Variants in WDR19 observed in about 807,000 individuals in gnomAD.
WDR19 encodes WD repeat-containing protein 19.
WDR19 carries 121 observed loss-of-function variants against 180.0 expected under a neutral mutation model. The observed-to-expected ratio is 0.67, with a 90% CI of 0.58 to 0.78. The LOEUF (loss-of-function observed/expected upper bound fraction) is 0.78. Among genes scored for constraint, WDR19 ranks in the 30% least tolerant of loss-of-function variants. The pLI, the probability that WDR19 is intolerant of heterozygous loss-of-function variation, is 0.00. For missense variants in WDR19, 1,450 were observed against 1,640.7 expected, an observed-to-expected ratio of 0.88 and a Z score of 2.01; for synonymous variants, 497 against 540.7, an observed-to-expected ratio of 0.92 and a Z score of 1.12.
Position 39,228,647 on chromosome 4 carries a change from G to A in WDR19, c.1939G>A (p.Asp647Asn), listed in dbSNP as rs1248776234. Residue 647 changes from aspartate (D) to asparagine (N), a missense_variant, in exon 17 of 37, where the codon GAC (aspartate) becomes AAC (asparagine). Physicochemically the swap from Asp to Asn is conservative, Grantham distance 23. Transcript: ENST00000399820. ...CAGCAACTTAAAAGATACGGGGCCT[G>A]ACGAACTGAGACCAATGCTGGCACA... is the stretch of plus-strand genomic sequence containing the variant. Reference protein sequence around the residue: ...FLSNLKDTGPDELRPMLAQNL... With the variant: ...FLSNLKDTGPNELRPMLAQNL... The A allele has an allele frequency of 1.9e-6, 3 of 1,609,612 alleles. No homozygotes were observed. Among genetic ancestry groups the A allele is most frequent in the Non-Finnish European group, 1.7e-6 (2 of 1,178,038 alleles).
chr4:39,240,961 A>C (rs969913470), intron 21 of WDR19, among the ~76,000 whole-genome samples: 14 of 151,420 alleles, frequency 9.2e-5, no homozygotes, highest in Admixed American at 8.6e-4. Context: ...ATCTCAAAAA[A>C]AAAAAAAAAA....
At chr4:39,254,983 CA>C (rs1264780265) in intron 26 of WDR19, among the ~76,000 whole-genome samples, 3 of 152,002 alleles carry the variant, frequency 2.0e-5, no homozygotes, top group African/African-American at 4.8e-5. Context: ...TTCAAGGAAA[CA>C]AATTAATTAG....
At chr4:39,241,992 A>T (rs1732007365) in intron 21 of WDR19, among the ~76,000 whole-genome samples, 1 of 150,408 alleles carries the variant, frequency 6.6e-6, no homozygotes, top group Non-Finnish European at 1.5e-5. Flanking sequence ...AGCAAAGATC[A>T]TTGAGTATTC....
chr4:39,240,264 ATT>A lies in WDR19; in HGVS notation c.2364-5_2364-4del. 2.4e-6 allele frequency: 3 copies of A among 1,246,920 alleles called. No homozygotes were observed. Among genetic ancestry groups the A allele is most frequent in the South Asian group, 2.2e-5 (1 of 45,454 alleles). The allele number at this position is 1,246,920 out of a possible 1,614,324, so 77.2% of individuals were successfully genotyped here. The stretch of plus-strand genomic sequence containing the variant: ...ATTAAAATTATTAAAATTCACTCTT[ATT>A]TTTTTTTCAGGGGTGATTATGTAAA... On this transcript the variant is annotated splice_polypyrimidine_tract_variant and intron_variant, in intron 20 of 36. Transcript: ENST00000399820.
chr4:39,223,479 C>T (rs920118041), intron 14 of WDR19, among the ~76,000 whole-genome samples: 7 of 151,818 alleles, frequency 4.6e-5, no homozygotes, highest in Non-Finnish European at 7.4e-5. Context: ...TACAGGCACA[C>T]GCCACCACGC....
At chr4:39,262,806 T>A (rs1416639732) in intron 28 of WDR19, among the ~76,000 whole-genome samples, 1 of 152,222 alleles carries the variant, frequency 6.6e-6, no homozygotes, top group Non-Finnish European at 1.5e-5. Flanking sequence ...AGAGAGTGTT[T>A]AGCACATGGC....
At chr4:39,189,502 T>C (rs139610671) in intron 3 of WDR19, among the ~76,000 whole-genome samples, 154 bp from the exon 4 acceptor site, 21 of 152,316 alleles carry the variant, frequency 1.4e-4, no homozygotes, top group African/African-American at 5.1e-4. Flanking sequence ...AAGTTAACAT[T>C]ACCCATGCAG....
intron 20 of WDR19, among the ~76,000 whole-genome samples, chr4:39,236,533 A>G (rs1219040396): frequency 6.6e-6 from 1 of 152,224 alleles, no homozygotes; most frequent in Non-Finnish European, 1.5e-5. Context: ...TTACCTGGGT[A>G]CACTTAAAGT....
intron 29 of WDR19, among the ~76,000 whole-genome samples, chr4:39,267,528 G>T (rs1026182238): frequency 2.0e-5 from 3 of 152,258 alleles, no homozygotes; most frequent in African/African-American, 7.2e-5. Context: ...AAAGGCCAAA[G>T]AAAATGTTAT....
intron 36 of WDR19, among the ~76,000 whole-genome samples, chr4:39,281,205 A>ATGTG (rs144111830): frequency 1.8e-5 from 2 of 110,412 alleles, no homozygotes; most frequent in Admixed American, 8.2e-5. Context: ...CTAAATATAT[A>ATGTG]TGTGTGTGTG....
chr4:39,272,436 C>T (rs1735461576), intron 31 of WDR19, among the ~76,000 whole-genome samples: 2 of 152,120 alleles, frequency 1.3e-5, no homozygotes, highest in African/African-American at 4.8e-5. Flanking sequence ...CCTTTTTGGC[C>T]TCCTTGTCTC....
At position 39,195,543 on chromosome 4, in the gene WDR19, G is replaced by A. The variant is rs577030461; in HGVS notation, c.406+884G>A. ...AGAGGGTGTTTTTATGTCCCTCCTT[G>A]TTTGACCTTCTTGTTTTGGCTCTTT... On this transcript the variant is annotated intron_variant, in intron 5 of 36. Transcript: ENST00000399820. Among the ~76,000 whole-genome samples the A allele has an allele frequency of 2.3e-4, 35 of 152,120 alleles. 1 individual carries two copies. In the South Asian group the frequency reaches 6.6e-3, roughly 29 times the overall value.
At chr4:39,275,904 A>G (rs1180328816) in intron 33 of WDR19, among the ~76,000 whole-genome samples, 1 of 152,210 alleles carries the variant, frequency 6.6e-6, no homozygotes, top group Non-Finnish European at 1.5e-5. Flanking sequence ...GTGCAGCCCC[A>G]AAAGCCCTTA....
Position 39,199,598 on chromosome 4 carries a change from T to A in WDR19, c.522+5T>A. 6.3e-7 allele frequency: 1 copy of A among 1,598,476 alleles called. No individual in the cohort carries two copies. Among genetic ancestry groups the A allele is most frequent in the Non-Finnish European group, 8.6e-7 (1 of 1,166,450 alleles). On this transcript the variant is annotated splice_donor_5th_base_variant and intron_variant, in intron 6 of 36. Transcript: ENST00000399820. ...GAAGGTGACACGATAAGACAGGTAATACAGTAACGTCTCTTTGGTCTGATA... is the reference window on the plus strand; with the variant it reads ...GAAGGTGACACGATAAGACAGGTAAAACAGTAACGTCTCTTTGGTCTGATA...
chr4:39,205,523 A>C, intron 8 of WDR19, 40 bp from the exon 9 acceptor site: 1 of 1,582,712 alleles, frequency 6.3e-7, no homozygotes, highest in Non-Finnish European at 8.6e-7. Context: ...ACTGATAGCT[A>C]ATCTCCTTGT....
chr4:39,274,773 C>T, intron 32 of WDR19, 35 bp from the exon 33 acceptor site: 2 of 1,602,050 alleles, frequency 1.2e-6, no homozygotes, highest in South Asian at 2.2e-5. Context: ...ACAGCAGACA[C>T]TGTGCTGTTG....
In WDR19 at chr4:39,278,678, G is replaced by T; in HGVS notation, c.*13+15G>T. The T allele has an allele frequency of 6.5e-7, 1 of 1,534,340 alleles. No individual in the cohort carries two copies. The highest frequency in any genetic ancestry group is 8.9e-7 in the Non-Finnish European group (1 of 1,117,556). On this transcript the variant is annotated intron_variant, in intron 36 of 36. Coordinates refer to ENST00000399820, the MANE Select transcript of WDR19 (RefSeq NM_025132.4). Reference sequence around the variant, plus strand: ...GGCACGTGCAGGTGAGTGGCAGAGCGCCCACGCACCTTCTGGGCGCAAGGG... The same window carrying T: ...GGCACGTGCAGGTGAGTGGCAGAGCTCCCACGCACCTTCTGGGCGCAAGGG...
Position 39,253,973 on chromosome 4 carries a change from G to A in WDR19, c.2944G>A (p.Glu982Lys). 6.2e-7 allele frequency: 1 copy of A among 1,612,686 alleles called. No homozygotes were observed. The highest frequency in any genetic ancestry group is 1.1e-5 in the South Asian group (1 of 91,016). The change falls in exon 26 of 37, where the codon GAA becomes AAA. Residue 982 changes from glutamate to lysine, a missense_variant. Physicochemically the swap from Glu to Lys is moderately conservative, Grantham distance 56 (BLOSUM62 1). Coordinates refer to ENST00000399820, the MANE Select transcript of WDR19 (RefSeq NM_025132.4). ...QFLVMSKCNN[E>K]AFTLAQQHNK... ...TCTTGTCATGTCCAAATGCAACAAT[G>A]AAGCTTTCACACTGGCTCAGCAACA... is the stretch of plus-strand genomic sequence containing the variant.
chr4:39,282,141 TAAATC>T (rs1736601560), intron 36 of WDR19, among the ~76,000 whole-genome samples: 2 of 152,326 alleles, frequency 1.3e-5, no homozygotes, highest in South Asian at 2.1e-4. Flanking sequence ...ATCATATAAT[TAAATC>T]TAATATGGTT....
Sources: gnomAD v4.1 joint callset for allele counts (sites outside exome capture counted in the v4.1 genomes callset) on GRCh38, gnomAD v4.1.1 for gene constraint, MANE v1.5 for transcripts, NCBI Gene and HGNC (gene_info 2026-07-23, HGNC 2026-07-21) for gene names.